ST6GALNAC3: variants seen among roughly 807,000 people sequenced by gnomAD.
ST6GALNAC3 encodes the protein ST6 N-acetylgalactosaminide alpha-2,6-sialyltransferase 3, also known as alpha-N-acetylgalactosaminide alpha-2,6-sialyltransferase 3.
A neutral mutation model predicts 32.7 loss-of-function variants in ST6GALNAC3; 25 were observed. That is an observed-to-expected ratio of 0.76 (90% CI 0.56 to 1.07). The LOEUF (loss-of-function observed/expected upper bound fraction) is 1.07. ST6GALNAC3 is among the 50% of genes least tolerant of loss of function. The pLI is 0.00. For synonymous variants in ST6GALNAC3, 129 were observed against 133.1 expected, an observed-to-expected ratio of 0.97 and a Z score of 0.21; for missense variants, 355 against 382.4, an observed-to-expected ratio of 0.93 and a Z score of 0.60.
chr1:76,191,453 A>G (rs76094046), intron 1 of ST6GALNAC3, among the ~76,000 whole-genome samples: 57 of 152,290 alleles, frequency 3.7e-4, no homozygotes, highest in African/African-American at 1.3e-3. Context: ...CCGGTGTTCT[A>G]TTGTACAGAA....
chr1:76,337,258 T>C lies in ST6GALNAC3; in HGVS notation c.213+23259T>C, dbSNP rs143216274. Among the ~76,000 whole-genome samples the C allele has an allele frequency of 3.4e-3, 514 of 152,264 alleles. 3 individuals carry two copies. Among genetic ancestry groups the C allele is most frequent in the African/African-American group, 0.012 (499 of 41,560 alleles). On this transcript the variant is annotated intron_variant, in intron 2 of 4. Transcript: ENST00000328299. ...CACTCTCTGGCTGCTGTATCAGCAATTGGATGCTTGCCCAGGCTCTGCAGG... is the reference window on the plus strand; with the variant it reads ...CACTCTCTGGCTGCTGTATCAGCAACTGGATGCTTGCCCAGGCTCTGCAGG...
chr1:76,270,662 C>T (rs1658793404), intron 1 of ST6GALNAC3, among the ~76,000 whole-genome samples: 1 of 151,964 alleles, frequency 6.6e-6, no homozygotes, highest in Admixed American at 6.5e-5. Context: ...AAGTCTGTGG[C>T]CAGATTTGAG....
chr1:76,397,756 G>A (rs1309327919), intron 2 of ST6GALNAC3, among the ~76,000 whole-genome samples: 1 of 152,054 alleles, frequency 6.6e-6, no homozygotes, highest in Non-Finnish European at 1.5e-5. Context: ...GCTATTGCAT[G>A]TTAGATTTCT....
chr1:76,228,993 A>G (rs1226920947), intron 1 of ST6GALNAC3, among the ~76,000 whole-genome samples: 1 of 152,158 alleles, frequency 6.6e-6, no homozygotes, highest in Non-Finnish European at 1.5e-5. Flanking sequence ...TAGCACATTC[A>G]GAGTAGACTC....
rs1437593426 is a variant in ST6GALNAC3 at position 76,632,184 on chromosome 1, T to C, written c.*3378T>C. Reference sequence around the variant, plus strand: ...TATTTTAGACTTCATCTGAAATTCGTTGGGTTACATTTTGAATCCTGATGA... The same window carrying C: ...TATTTTAGACTTCATCTGAAATTCGCTGGGTTACATTTTGAATCCTGATGA... On this transcript the variant is annotated 3_prime_UTR_variant, in exon 5 of 5. Coordinates refer to ENST00000328299, the MANE Select transcript of ST6GALNAC3 (RefSeq NM_152996.4). The C allele has an allele frequency of 6.6e-6, 1 of 152,136 alleles. No individual in the cohort carries two copies. Among genetic ancestry groups the C allele is most frequent in the Non-Finnish European group, 1.5e-5 (1 of 68,012 alleles). 9.4% of individuals were successfully genotyped at this position (152,136 alleles called of 1,614,324 possible).
intron 3 of ST6GALNAC3, among the ~76,000 whole-genome samples, chr1:76,464,495 C>T (rs77031391): frequency 6.6e-6 from 1 of 152,114 alleles, no homozygotes. Context: ...GAGGAATAGT[C>T]TTACAGAATA....
chr1:76,204,464 G>A lies in ST6GALNAC3; in HGVS notation c.19-109341G>A, dbSNP rs536778008. On this transcript the variant is annotated intron_variant, in intron 1 of 4. Transcript: ENST00000328299. The stretch of plus-strand genomic sequence containing the variant: ...TAGATCATTTAGTCTCTGATGATCT[G>A]TCTGTTTGCAGAGGGGAGTTGGGTG... 7.9e-5 allele frequency among the ~76,000 whole-genome samples: 12 copies of A among 152,284 alleles called. No homozygotes were observed. The East Asian group carries it at 2.1e-3, about 27-fold the overall frequency.
chr1:76,088,063 C>G (rs914810663), intron 1 of ST6GALNAC3, among the ~76,000 whole-genome samples: 3 of 152,162 alleles, frequency 2.0e-5, no homozygotes, highest in Admixed American at 6.5e-5. Flanking sequence ...TATTAGCTAA[C>G]AGTTACTATG....
intron 1 of ST6GALNAC3, among the ~76,000 whole-genome samples, chr1:76,112,390 C>T (rs1251865905): frequency 2.8e-5 from 4 of 144,388 alleles, no homozygotes; most frequent in African/African-American, 8.0e-5. Flanking sequence ...CCACCTCCTT[C>T]CCGGACTGGG....
intron 1 of ST6GALNAC3, among the ~76,000 whole-genome samples, chr1:76,153,887 G>A (rs1173186853): frequency 6.6e-6 from 1 of 152,050 alleles, no homozygotes; most frequent in African/African-American, 2.4e-5. Context: ...CCAAACGGGC[G>A]CCCCTCAGCA....
chr1:76,627,639 A>G (rs1649060076), intron 4 of ST6GALNAC3, 80 bp downstream of exon 4: 1 of 1,051,968 alleles, frequency 9.5e-7, no homozygotes, highest in Admixed American at 1.8e-5. Flanking sequence ...TTAATACCAT[A>G]AATCTGAGAA....
intron 2 of ST6GALNAC3, among the ~76,000 whole-genome samples, chr1:76,322,146 C>T (rs1646978898): frequency 6.6e-6 from 1 of 152,090 alleles, no homozygotes; most frequent in African/African-American, 2.4e-5. Context: ...GAAAACAAAA[C>T]AGTGTATCTA....
chr1:76,494,427 GTGTATA>G (rs1660677328), intron 3 of ST6GALNAC3, among the ~76,000 whole-genome samples: 1 of 71,374 alleles, frequency 1.4e-5, no homozygotes, highest in African/African-American at 5.4e-5. Flanking sequence ...ATGTGTGCAT[GTGTATA>G]TATATATATA....
chr1:76,189,617 A>G (rs1360648288), intron 1 of ST6GALNAC3, among the ~76,000 whole-genome samples: 2 of 152,216 alleles, frequency 1.3e-5, no homozygotes, highest in East Asian at 3.9e-4. Context: ...AATAACAACA[A>G]CAAGAATGTA....
chr1:76,491,692 A>G (rs1290640488), intron 3 of ST6GALNAC3, among the ~76,000 whole-genome samples: 1 of 152,168 alleles, frequency 6.6e-6, no homozygotes, highest in Non-Finnish European at 1.5e-5. Context: ...CTCCCCAGCT[A>G]CAGGGCATAG....
Position 76,177,066 on chromosome 1 carries a change from C to T in ST6GALNAC3, c.18+102182C>T, listed in dbSNP as rs189569347. 1.2e-4 allele frequency among the ~76,000 whole-genome samples: 19 copies of T among 152,022 alleles called. No individual in the cohort carries two copies. The East Asian group carries it at 2.9e-3, about 23-fold the overall frequency. On this transcript the variant is annotated intron_variant, in intron 1 of 4. Transcript: ENST00000328299. The stretch of plus-strand genomic sequence containing the variant: ...CTCTAGCTTAGGCAACAGAGTAAGA[C>T]GTTGTCTATTAACAAAAAGTAAGAA...
intron 3 of ST6GALNAC3, among the ~76,000 whole-genome samples, chr1:76,574,418 T>C (rs971107265): frequency 6.6e-6 from 1 of 152,056 alleles, no homozygotes; most frequent in Non-Finnish European, 1.5e-5. Flanking sequence ...CTACCTTCTC[T>C]ATTTCTATTA....
intron 3 of ST6GALNAC3, among the ~76,000 whole-genome samples, chr1:76,420,041 C>T (rs1412903926): frequency 6.6e-6 from 1 of 151,052 alleles, no homozygotes; most frequent in Non-Finnish European, 1.5e-5. Flanking sequence ...GGGAGGGGTG[C>T]TCCGAGCGGA....
intron 3 of ST6GALNAC3, among the ~76,000 whole-genome samples, chr1:76,559,925 G>C (rs1054394929): frequency 6.6e-6 from 1 of 152,000 alleles, no homozygotes; most frequent in Non-Finnish European, 1.5e-5. Context: ...AACTCCCAAA[G>C]GTCAAGGATA....
Sources: allele counts gnomAD v4.1 joint callset (sites outside exome capture counted in the v4.1 genomes callset), GRCh38; gene constraint gnomAD v4.1.1; transcripts MANE v1.5; gene names NCBI Gene and HGNC (gene_info 2026-07-23, HGNC 2026-07-21).